CNTNAP4: variants seen among roughly 807,000 people sequenced by gnomAD.
CNTNAP4 encodes the protein contactin-associated protein-like 4.
Under a neutral mutation model 148.4 loss-of-function variants are expected in CNTNAP4, and 98 were observed. That is an observed-to-expected ratio of 0.66 (90% CI 0.56 to 0.78). CNTNAP4 has a LOEUF of 0.78. Ranked by LOEUF, CNTNAP4 falls within the 30% of genes least tolerant of loss-of-function variation. The pLI, the probability that CNTNAP4 is intolerant of heterozygous loss-of-function variation, is 0.00. For missense variants in CNTNAP4, 1,935 were observed against 1,565.6 expected (o/e 1.24, Z -3.98); for synonymous variants, 730 against 565.1 (o/e 1.29, Z -4.14).
At chr16:76,467,695 C>T (rs1242341358) in intron 10 of CNTNAP4, among the ~76,000 whole-genome samples, 172 bp downstream of exon 10, 1 of 152,128 alleles carries the variant, frequency 6.6e-6, no homozygotes, top group African/African-American at 2.4e-5. Context: ...GTTTAAATGT[C>T]ATATTTTAAA....
intron 3 of CNTNAP4, among the ~76,000 whole-genome samples, chr16:76,409,432 C>T (rs1393991091): frequency 6.6e-6 from 1 of 151,790 alleles, no homozygotes; most frequent in Non-Finnish European, 1.5e-5. Context: ...ATGTATGCAC[C>T]TTTAAAATAA....
chr16:76,295,023 G>A (rs1018030291), intron 1 of CNTNAP4, among the ~76,000 whole-genome samples: 2 of 152,194 alleles, frequency 1.3e-5, no homozygotes, highest in African/African-American at 4.8e-5. Context: ...CAGAGGCTGT[G>A]CTCTTACAGC....
chr16:76,347,301 A>G (rs1472061011), intron 2 of CNTNAP4, among the ~76,000 whole-genome samples: 2 of 152,132 alleles, frequency 1.3e-5, no homozygotes, highest in Non-Finnish European at 2.9e-5. Context: ...AGACCATGTT[A>G]TACCCACGTG....
intron 3 of CNTNAP4, among the ~76,000 whole-genome samples, chr16:76,387,717 A>T (rs944856939): frequency 1.3e-5 from 2 of 152,196 alleles, no homozygotes; most frequent in Non-Finnish European, 2.9e-5. Context: ...CATGGACAAA[A>T]TATTAATTGC....
At chr16:76,411,574 T>C (rs1009890127) in intron 3 of CNTNAP4, among the ~76,000 whole-genome samples, 1 of 151,350 alleles carries the variant, frequency 6.6e-6, no homozygotes, top group South Asian at 2.1e-4. Flanking sequence ...AATTATGTGA[T>C]ATCTAAAATA....
rs760832547 is a variant in CNTNAP4, at chr16:76,522,696, CTTT to C, written c.2755+441_2755+443del. ...TTTCTCTCTTTCTCTCCTTTCTTTT[CTTT>C]TCTTTTCTTTTCTTTTCTTTTCTTT... On this transcript the variant is annotated intron_variant, in intron 17 of 23. Transcript: ENST00000611870. Among the ~76,000 whole-genome samples, 202 of 26,180 alleles carry C rather than the reference CTTT, an allele frequency of 7.7e-3. 9 individuals carry two copies. The highest frequency in any genetic ancestry group is 0.021 in the African/African-American group (99 of 4,648). The allele number at this position is 26,180 out of a possible 152,430, so 17.2% of individuals were successfully genotyped here. A position where few individuals can be genotyped will look rare whatever the true frequency, so the allele number is the denominator to read the frequency against.
chr16:76,554,809 C>T (rs543400055), intron 23 of CNTNAP4, among the ~76,000 whole-genome samples: 2 of 151,810 alleles, frequency 1.3e-5, no homozygotes, highest in African/African-American at 2.4e-5. Context: ...AGTTCTTCCT[C>T]TATTCAGTCA....
At chr16:76,513,794 A>G (rs1019981117) in intron 15 of CNTNAP4, among the ~76,000 whole-genome samples, 4 of 152,212 alleles carry the variant, frequency 2.6e-5, no homozygotes, top group Non-Finnish European at 5.9e-5. Flanking sequence ...AAAAGACAGT[A>G]ATCTGAATAT....
intron 2 of CNTNAP4, among the ~76,000 whole-genome samples, chr16:76,330,034 A>G (rs551661943): frequency 6.6e-6 from 1 of 152,326 alleles, no homozygotes; most frequent in African/African-American, 2.4e-5. Flanking sequence ...GGAAAAACAC[A>G]TCTCAACAAT....
At chr16:76,478,612 A>T (rs942490713) in intron 11 of CNTNAP4, among the ~76,000 whole-genome samples, 2 of 152,218 alleles carry the variant, frequency 1.3e-5, no homozygotes, top group Non-Finnish European at 2.9e-5. Context: ...AGAAGTTATC[A>T]GTATATTTGG....
intron 21 of CNTNAP4, among the ~76,000 whole-genome samples, chr16:76,550,157 C>A (rs2084903304): frequency 6.6e-6 from 1 of 152,046 alleles, no homozygotes. Context: ...ATAAATATAA[C>A]CTAATCCATC....
chr16:76,489,361 G>A (rs78655064), intron 12 of CNTNAP4, among the ~76,000 whole-genome samples: 7,904 of 151,886 alleles, frequency 0.052, 636 homozygotes, highest in African/African-American at 0.17. Flanking sequence ...ATGGAATATC[G>A]ATTTCAATGA....
rs2085337842 is a variant in CNTNAP4, at chr16:76,559,554, ATTAT to A, written c.*875_*878del. On this transcript the variant is annotated 3_prime_UTR_variant, in exon 24 of 24. Transcript: ENST00000611870. ...AAAATTCTTAACACAGCAAAAAATTATTATTTAATTTACAACTGTAATACCTCAA... is the reference window on the plus strand; with the variant it reads ...AAAATTCTTAACACAGCAAAAAATTATTAATTTACAACTGTAATACCTCAA... Among the ~76,000 whole-genome samples, 1 of 152,194 alleles carries A rather than the reference ATTAT, an allele frequency of 6.6e-6. No individual in the cohort carries two copies. Among genetic ancestry groups the A allele is most frequent in the East Asian group, 1.9e-4 (1 of 5,200 alleles).
intron 5 of CNTNAP4, among the ~76,000 whole-genome samples, chr16:76,448,542 G>A (rs117136035): frequency 0.017 from 2,643 of 152,154 alleles, 32 homozygotes; most frequent in Non-Finnish European, 0.023. Flanking sequence ...GAAAATGAGC[G>A]TGCAATCAGT....
At chr16:76,514,886 T>C (rs927877074) in intron 15 of CNTNAP4, among the ~76,000 whole-genome samples, 13 of 152,218 alleles carry the variant, frequency 8.5e-5, no homozygotes, top group African/African-American at 3.1e-4. Context: ...TAAAAATAAT[T>C]CATGTGTTTA....
chr16:76,527,253 TAGA>T (rs1406551485), intron 17 of CNTNAP4, among the ~76,000 whole-genome samples: 3 of 152,296 alleles, frequency 2.0e-5, no homozygotes, highest in Admixed American at 2.0e-4. Flanking sequence ...ATGTCATATG[TAGA>T]AGGACCCTTC....
Position 76,277,523 on chromosome 16 carries a change from G to A in CNTNAP4, c.-140G>A, listed in dbSNP as rs1005362800. 3.3e-5 allele frequency: 20 copies of A among 607,352 alleles called. No homozygotes were observed. The African/African-American group carries it at 3.7e-4, about 11-fold the overall frequency. 37.6% of individuals were successfully genotyped at this position (607,352 alleles called of 1,614,324 possible). On this transcript the variant is annotated 5_prime_UTR_variant, in exon 1 of 24. Coordinates refer to ENST00000611870, the MANE Select transcript of CNTNAP4 (RefSeq NM_033401.5). ...GAGGGAAGAAGAAAAGACGGAGGGA[G>A]GTGAGGAGGAAGGGAGGGGGAGAGA... is the stretch of plus-strand genomic sequence containing the variant.
Position 76,292,794 on chromosome 16 carries a change from G to C in CNTNAP4, c.85+15047G>C, listed in dbSNP as rs16944166. Among the ~76,000 whole-genome samples, 385 of 152,104 alleles carry C rather than the reference G, an allele frequency of 2.5e-3. 2 individuals are homozygous for C. The highest frequency in any genetic ancestry group is 8.8e-3 in the African/African-American group (365 of 41,482). On this transcript the variant is annotated intron_variant, in intron 1 of 23. Coordinates refer to ENST00000611870, the MANE Select transcript of CNTNAP4 (RefSeq NM_033401.5). Reference sequence around the variant, plus strand: ...CAATACTTCTACTTTCTGCTTATCAGGGACAGCAACCTATATTTAATGAAC... The same window carrying C: ...CAATACTTCTACTTTCTGCTTATCACGGACAGCAACCTATATTTAATGAAC...
intron 21 of CNTNAP4, among the ~76,000 whole-genome samples, chr16:76,544,135 T>C (rs1178487446): frequency 6.6e-6 from 1 of 152,076 alleles, no homozygotes; most frequent in East Asian, 1.9e-4. Flanking sequence ...ACCCTCCAAA[T>C]TAAAATATAT....
Sources: gnomAD v4.1 joint callset for allele counts (sites outside exome capture counted in the v4.1 genomes callset) on GRCh38, gnomAD v4.1.1 for gene constraint, MANE v1.5 for transcripts, NCBI Gene and HGNC (gene_info 2026-07-23, HGNC 2026-07-21) for gene names.